RAB11FIP4: variants seen among roughly 807,000 people sequenced by gnomAD.
RAB11FIP4 encodes RAB11 family interacting protein 4, also known as rab11 family-interacting protein 4.
Under a neutral mutation model 74.3 loss-of-function variants are expected in RAB11FIP4, and 23 were observed. The ratio of observed to expected loss-of-function variants is 0.31; its 90% confidence interval spans 0.22 to 0.44. The LOEUF is 0.44. Ranked by LOEUF, RAB11FIP4 falls within the 20% of genes least tolerant of loss-of-function variation. RAB11FIP4 has a pLI of 1.00. For missense variants in RAB11FIP4, 630 were observed against 863.9 expected (o/e 0.73, Z 3.39); for synonymous variants, 360 against 359.9 (o/e 1.00, Z 0.00).
chr17:31,402,581 C>G (rs527707802), intron 1 of RAB11FIP4, among the ~76,000 whole-genome samples: 93 of 143,818 alleles, frequency 6.5e-4, no homozygotes, highest in African/African-American at 2.5e-3. Context: ...TGTGAAGGCT[C>G]AGATTATTTT....
chr17:31,517,198 G>A (rs2072571370), intron 3 of RAB11FIP4, among the ~76,000 whole-genome samples: 5 of 130,748 alleles, frequency 3.8e-5, no homozygotes, highest in Non-Finnish European at 5.0e-5. Flanking sequence ...GTGCGGGGGG[G>A]GGGGCGGTGG....
chr17:31,519,651 G>T (rs556004269), intron 4 of RAB11FIP4, among the ~76,000 whole-genome samples: 3 of 152,272 alleles, frequency 2.0e-5, no homozygotes, highest in African/African-American at 7.2e-5. Context: ...TTCCCATGTT[G>T]GTTGAACCAC....
intron 4 of RAB11FIP4, among the ~76,000 whole-genome samples, chr17:31,519,007 CTTTTTTTTTTTT>C (rs1190316585): frequency 5.4e-5 from 4 of 73,964 alleles, no homozygotes; most frequent in Non-Finnish European, 7.4e-5. Flanking sequence ...TAAGTTTTGT[CTTTTTTTTTTTT>C]TTTTTTTTTT....
rs1176048908 is a variant in RAB11FIP4 at position 31,505,474 on chromosome 17, A to T, written c.337-12177A>T. ...AATAATTATTATAACATATAATAAT[A>T]ATTATAATATATAATATATAATTAT... On this transcript the variant is annotated intron_variant, in intron 3 of 14. Transcript: ENST00000621161. Among the ~76,000 whole-genome samples, 403 of 84,804 alleles carry T rather than the reference A, an allele frequency of 4.8e-3. 8 individuals are homozygous for T. The highest frequency in any genetic ancestry group is 7.5e-3 in the Non-Finnish European group (348 of 46,708). 55.6% of individuals were successfully genotyped at this position (84,804 alleles called of 152,430 possible). A position where few individuals can be genotyped will look rare whatever the true frequency, so the allele number is the denominator to read the frequency against.
intron 14 of RAB11FIP4, chr17:31,530,870 T>A (rs1567696782): frequency 5.5e-6 from 1 of 180,576 alleles, no homozygotes; most frequent in African/African-American, 2.4e-5. Context: ...AATCTCCTGA[T>A]GACTCTGAGG....
intron 1 of RAB11FIP4, among the ~76,000 whole-genome samples, chr17:31,425,152 A>G (rs1352147129): frequency 6.6e-6 from 1 of 152,190 alleles, no homozygotes; most frequent in Admixed American, 6.5e-5. Flanking sequence ...TCTATGTCTC[A>G]GTTTCCTCCC....
At chr17:31,415,476 C>T (rs946428647) in intron 1 of RAB11FIP4, among the ~76,000 whole-genome samples, 34 of 152,334 alleles carry the variant, frequency 2.2e-4, no homozygotes, top group Admixed American at 9.8e-4. Context: ...TAAATGGAGG[C>T]ATTTTTCTCC....
intron 3 of RAB11FIP4, among the ~76,000 whole-genome samples, chr17:31,456,876 T>TGGAA (rs1324626292): frequency 1.3e-5 from 2 of 152,096 alleles, no homozygotes; most frequent in Non-Finnish European, 2.9e-5. Context: ...ACTATTCCAA[T>TGGAA]GGAAGCGGGA....
chr17:31,421,697 A>G (rs2071201567), intron 1 of RAB11FIP4, among the ~76,000 whole-genome samples: 1 of 150,822 alleles, frequency 6.6e-6, no homozygotes, highest in South Asian at 2.1e-4. Context: ...AGCTGGGATT[A>G]CAGGTGCCCA....
chr17:31,486,535 T>G (rs1439640824), intron 3 of RAB11FIP4, among the ~76,000 whole-genome samples: 1 of 152,236 alleles, frequency 6.6e-6, no homozygotes, highest in Non-Finnish European at 1.5e-5. Context: ...CTTTGGCCTC[T>G]CATAGGCACT....
chr17:31,505,519 AT>A (rs2072312965), intron 3 of RAB11FIP4, among the ~76,000 whole-genome samples: 1 of 78,692 alleles, frequency 1.3e-5, no homozygotes, highest in Non-Finnish European at 2.4e-5. Context: ...TATAATAATT[AT>A]ATATTATATA....
At chr17:31,473,848 T>C (rs2071764286) in intron 3 of RAB11FIP4, among the ~76,000 whole-genome samples, 1 of 152,214 alleles carries the variant, frequency 6.6e-6, no homozygotes, top group African/African-American at 2.4e-5. Flanking sequence ...CACTGTGGTA[T>C]GCATCCACAT....
At chr17:31,423,141 T>C (rs1027293357) in intron 1 of RAB11FIP4, among the ~76,000 whole-genome samples, 1 of 152,038 alleles carries the variant, frequency 6.6e-6, no homozygotes, top group Non-Finnish European at 1.5e-5. Context: ...GGATGGTCTC[T>C]ATCTCCTGAC....
intron 3 of RAB11FIP4, among the ~76,000 whole-genome samples, chr17:31,491,838 A>G (rs1399176860): frequency 2.6e-5 from 4 of 152,172 alleles, no homozygotes; most frequent in Non-Finnish European, 5.9e-5. Flanking sequence ...GCATTGAGGC[A>G]TTTCTGGAGG....
chr17:31,399,049 A>G (rs769188962), intron 1 of RAB11FIP4, among the ~76,000 whole-genome samples: 1 of 152,156 alleles, frequency 6.6e-6, no homozygotes, highest in Admixed American at 6.5e-5. Context: ...GGGTGTTCAC[A>G]GGTCCACATG....
At chr17:31,408,030 A>AC (rs535671395) in intron 1 of RAB11FIP4, among the ~76,000 whole-genome samples, 6 of 149,258 alleles carry the variant, frequency 4.0e-5, no homozygotes, top group Non-Finnish European at 7.4e-5. Context: ...CTTTCCTTCC[A>AC]CCCCCCTTTT....
In RAB11FIP4 at chr17:31,453,749, G is replaced by A. The variant is rs2071548913; in HGVS notation, c.336+19627G>A. ...CTGAGGCAGGAGAATCACTTGAGCTGAGATCGCACCACTGCACTCCAGCCT... is the reference window on the plus strand; with the variant it reads ...CTGAGGCAGGAGAATCACTTGAGCTAAGATCGCACCACTGCACTCCAGCCT... On this transcript the variant is annotated intron_variant, in intron 3 of 14. Coordinates refer to ENST00000621161, the MANE Select transcript of RAB11FIP4 (RefSeq NM_032932.6). 5.1e-5 allele frequency among the ~76,000 whole-genome samples: 7 copies of A among 136,082 alleles called. No homozygotes were observed. The Admixed American group carries it at 5.6e-4, about 11-fold the overall frequency. The allele number at this position is 136,082 out of a possible 152,430, so 89.3% of individuals were successfully genotyped here.
chr17:31,489,834 AG>A (rs888355522), intron 3 of RAB11FIP4, among the ~76,000 whole-genome samples: 1 of 151,612 alleles, frequency 6.6e-6, no homozygotes, highest in Non-Finnish European at 1.5e-5. Context: ...CGGAATTTGA[AG>A]GGGGGGCCTG....
chr17:31,490,203 C>T (rs1316531409), intron 3 of RAB11FIP4, among the ~76,000 whole-genome samples: 1 of 152,114 alleles, frequency 6.6e-6, no homozygotes, highest in Non-Finnish European at 1.5e-5. Context: ...TAGTGCCTTC[C>T]TAGCCCCTTC....
Sources: gnomAD v4.1 joint callset for allele counts (sites outside exome capture counted in the v4.1 genomes callset) on GRCh38, gnomAD v4.1.1 for gene constraint, MANE v1.5 for transcripts, NCBI Gene and HGNC (gene_info 2026-07-23, HGNC 2026-07-21) for gene names.